Variants in TRAPPC9 observed in about 807,000 individuals in gnomAD.
TRAPPC9 encodes the protein IKK2 binding protein.
TRAPPC9 carries 83 observed loss-of-function variants against 124.0 expected under a neutral mutation model. The ratio of observed to expected loss-of-function variants is 0.67; its 90% CI spans 0.56 to 0.80. TRAPPC9 has a LOEUF of 0.80. Ranked by LOEUF, TRAPPC9 falls within the 30% of genes least tolerant of loss-of-function variation. TRAPPC9 has a pLI of 0.00. For synonymous variants in TRAPPC9, 638 were observed against 617.5 expected, an observed-to-expected ratio of 1.03 and a Z score of -0.49; for missense variants, 1,302 against 1,508.3, an observed-to-expected ratio of 0.86 and a Z score of 2.27.
chr8:140,282,481 C>T (rs1171938664), intron 14 of TRAPPC9, among the ~76,000 whole-genome samples: 2 of 142,714 alleles, frequency 1.4e-5, no homozygotes, highest in African/African-American at 5.3e-5. Flanking sequence ...CCAGCCTGGG[C>T]GACAGAGCCA....
At chr8:140,259,655 A>G (rs995874816) in intron 15 of TRAPPC9, among the ~76,000 whole-genome samples, 1 of 151,878 alleles carries the variant, frequency 6.6e-6, no homozygotes, top group African/African-American at 2.4e-5. Flanking sequence ...TATTCCTCCC[A>G]CTCCTCAAGC....
chr8:140,161,272 C>T (rs2061746460), intron 17 of TRAPPC9, among the ~76,000 whole-genome samples: 2 of 152,306 alleles, frequency 1.3e-5, no homozygotes, highest in Middle Eastern at 6.8e-3. Context: ...GAGGTAGAAG[C>T]TGCAGCTCAA....
intron 21 of TRAPPC9, among the ~76,000 whole-genome samples, chr8:139,784,885 G>C (rs924813225): frequency 1.3e-5 from 2 of 151,902 alleles, no homozygotes; most frequent in African/African-American, 4.8e-5. Flanking sequence ...GTTCTCCCCA[G>C]ATTGATCTAC....
chr8:139,889,192 G>T (rs1478491918), intron 20 of TRAPPC9, among the ~76,000 whole-genome samples: 2 of 152,192 alleles, frequency 1.3e-5, no homozygotes, highest in African/African-American at 4.8e-5. Context: ...GAATAAGCCA[G>T]GTACAACAGG....
chr8:140,283,356 G>A (rs1312996628), intron 14 of TRAPPC9, among the ~76,000 whole-genome samples: 6 of 141,824 alleles, frequency 4.2e-5, no homozygotes, highest in African/African-American at 1.3e-4. Flanking sequence ...GTGCAGTGGC[G>A]CGATCTCGGC....
intron 18 of TRAPPC9, among the ~76,000 whole-genome samples, chr8:139,994,833 A>G (rs973966777): frequency 8.5e-5 from 13 of 152,246 alleles, no homozygotes; most frequent in Non-Finnish European, 1.6e-4. Flanking sequence ...CGTAAGGCAC[A>G]GTGTGATCAA....
At chr8:139,947,674 A>G (rs1204860233) in intron 19 of TRAPPC9, among the ~76,000 whole-genome samples, 1 of 151,802 alleles carries the variant, frequency 6.6e-6, no homozygotes, top group African/African-American at 2.4e-5. Context: ...AGCCTGGCCA[A>G]CATGGGGAAA....
rs115429975 is a variant in TRAPPC9 at position 139,936,495 on chromosome 8, G to A, written c.2811-26195C>T. On this transcript the variant is annotated intron_variant, in intron 19 of 22. Coordinates refer to ENST00000438773, the MANE Select transcript of TRAPPC9 (RefSeq NM_001160372.4). ...AGAGCTGGGAGCCCATCCAGTGGGA[G>A]CATGGGGAAGTCACTCGGCTTAGAG... Among the ~76,000 whole-genome samples, 601 of 152,328 alleles carry A rather than the reference G, an allele frequency of 3.9e-3. 6 individuals are homozygous for A. Among genetic ancestry groups the A allele is most frequent in the African/African-American group, 0.014 (589 of 41,580 alleles).
chr8:140,238,043 T>C (rs953501550), intron 16 of TRAPPC9, among the ~76,000 whole-genome samples: 1 of 152,280 alleles, frequency 6.6e-6, no homozygotes, highest in East Asian at 1.9e-4. Flanking sequence ...CCTTTCCTCT[T>C]TGGACAAAAA....
chr8:139,866,991 C>G (rs1299504982), intron 21 of TRAPPC9, among the ~76,000 whole-genome samples: 1 of 152,176 alleles, frequency 6.6e-6, no homozygotes. Flanking sequence ...CCCACCACCA[C>G]AGCTGGCTAG....
rs1455080674 is a variant in TRAPPC9, at chr8:140,275,783, A to G, written c.2153T>C (p.Ile718Thr). ...HSLQPSSGDEISTNVSVQLYN... is the reference protein window; with the variant it reads ...HSLQPSSGDETSTNVSVQLYN... ...AAGCTGGACAGATACATTAGTAGAT[A>G]TTTCATCACCAGAAGAAGGTTGCAA... Residue 718 changes from isoleucine (I) to threonine (T), a missense_variant, in exon 15 of 23, where the codon ATA becomes ACA. Ile to Thr is a moderately conservative substitution (Grantham distance 89, BLOSUM62 -1). Around this residue, in one of 3 missense-constraint regions of TRAPPC9, gnomAD observed 640 missense variants for 679.3 expected, o/e 0.94. Coordinates refer to ENST00000438773, the MANE Select transcript of TRAPPC9 (RefSeq NM_001160372.4). The G allele has an allele frequency of 2.5e-6, 4 of 1,613,558 alleles. No homozygotes were observed. The South Asian group carries it at 3.3e-5, about 13-fold the overall frequency.
chr8:140,427,126 G>T (rs2070454054), intron 4 of TRAPPC9, among the ~76,000 whole-genome samples: 1 of 146,680 alleles, frequency 6.8e-6, no homozygotes, highest in Non-Finnish European at 1.5e-5. Context: ...TAGTAGAGAC[G>T]GGTTTCACCA....
intron 14 of TRAPPC9, among the ~76,000 whole-genome samples, chr8:140,280,955 A>C (rs1373736349): frequency 6.6e-6 from 1 of 152,194 alleles, no homozygotes; most frequent in African/African-American, 2.4e-5. Context: ...GCTGGTCTGC[A>C]CTGGGGCACG....
chr8:140,326,073 T>C (rs561401396), intron 9 of TRAPPC9, among the ~76,000 whole-genome samples: 1 of 151,794 alleles, frequency 6.6e-6, no homozygotes, highest in Non-Finnish European at 1.5e-5. Flanking sequence ...CAAATGGAAA[T>C]CCGGGTAGTT....
At chr8:139,915,062 G>A (rs1832027496) in intron 19 of TRAPPC9, among the ~76,000 whole-genome samples, 2 of 152,232 alleles carry the variant, frequency 1.3e-5, no homozygotes, top group Admixed American at 1.3e-4. Context: ...AGGCCAGTGA[G>A]GAAACCCGCG....
chr8:140,163,255 C>T (rs1026721917), intron 17 of TRAPPC9, among the ~76,000 whole-genome samples: 1 of 152,158 alleles, frequency 6.6e-6, no homozygotes, highest in African/African-American at 2.4e-5. Flanking sequence ...CTTGGTCTGC[C>T]TCACGGTGAC....
At position 139,776,069 on chromosome 8, in the gene TRAPPC9, G is replaced by A. The variant is rs1216419318; in HGVS notation, c.3056-43867C>T. Among the ~76,000 whole-genome samples the A allele has an allele frequency of 6.6e-6, 1 of 152,164 alleles. No homozygotes were observed. The highest frequency in any genetic ancestry group is 6.5e-5 in the Admixed American group (1 of 15,284). ...CTCACCAGGCACCTTCAGAGGTCTT[G>A]AGCAATAGCCACCAACCCTGACCAA... On this transcript the variant is annotated intron_variant, in intron 21 of 22. Transcript: ENST00000438773. This position sits in a 1 kb window ranked among gnomAD's most constrained non-coding sequence, Gnocchi z 4.1.
At chr8:139,810,414 GTTTCAGGGA>G (rs1385253055) in intron 21 of TRAPPC9, among the ~76,000 whole-genome samples, 1 of 152,182 alleles carries the variant, frequency 6.6e-6, no homozygotes, top group Non-Finnish European at 1.5e-5. Flanking sequence ...AGCTGACAAA[GTTTCAGGGA>G]TTTCACGAGT....
intron 21 of TRAPPC9, among the ~76,000 whole-genome samples, chr8:139,793,318 C>T (rs1822827724): frequency 6.6e-6 from 1 of 152,210 alleles, no homozygotes; most frequent in African/African-American, 2.4e-5. Flanking sequence ...GTGCCCACTC[C>T]AGCTCATGGG....
Sources: gnomAD v4.1 joint callset for allele counts (sites outside exome capture counted in the v4.1 genomes callset) on GRCh38, gnomAD v4.1.1 for gene constraint, gnomAD v4.1.1 regional missense constraint, Gnocchi (gnomAD v3.1) non-coding constraint, MANE v1.5 for transcripts, NCBI Gene and HGNC (gene_info 2026-07-23, HGNC 2026-07-21) for gene names.